The following ARHGEF10 variants were observed in gnomAD, a reference collection of about 807,000 sequenced individuals.
The protein encoded by ARHGEF10 is Rho guanine nucleotide exchange factor (GEF) 10.
Under a neutral mutation model 147.4 loss-of-function variants are expected in ARHGEF10, and 140 were observed. The observed-to-expected ratio is 0.95, with a 90% confidence interval of 0.83 to 1.09. The LOEUF (loss-of-function observed/expected upper bound fraction) is 1.09. Ranked by LOEUF, ARHGEF10 falls within the 50% of genes least tolerant of loss-of-function variation. The probability of loss-of-function intolerance (pLI) is 0.00; values close to 1 mark genes in which losing one functional copy is unlikely to be tolerated. For synonymous variants in ARHGEF10, 902 were observed against 695.8 expected, an observed-to-expected ratio of 1.30 and a Z score of -4.67; for missense variants, 2,222 against 1,752.7, an observed-to-expected ratio of 1.27 and a Z score of -4.78.
At chr8:1,927,672 T>A (rs1468096070) in intron 23 of ARHGEF10, among the ~76,000 whole-genome samples, 2 of 152,182 alleles carry the variant, frequency 1.3e-5, no homozygotes, top group Non-Finnish European at 1.5e-5. Context: ...CCCAGCACTT[T>A]GGGAGGCCGA....
chr8:1,848,815 G>A (rs1021095625), intron 2 of ARHGEF10, among the ~76,000 whole-genome samples: 15 of 151,980 alleles, frequency 9.9e-5, no homozygotes, highest in African/African-American at 3.4e-4. Flanking sequence ...TTTAAATGCC[G>A]TTAATATAAG....
intron 26 of ARHGEF10, among the ~76,000 whole-genome samples, chr8:1,934,144 G>C (rs1368002912): frequency 6.6e-6 from 1 of 152,122 alleles, no homozygotes; most frequent in Non-Finnish European, 1.5e-5. Flanking sequence ...AGATCAGCCT[G>C]GGCAACAAAG....
intron 1 of ARHGEF10, among the ~76,000 whole-genome samples, chr8:1,834,553 T>C (rs1803467066): frequency 6.6e-6 from 1 of 152,174 alleles, no homozygotes; most frequent in African/African-American, 2.4e-5. Context: ...TCCCGAGTCT[T>C]AGAGAAGAAG....
intron 15 of ARHGEF10, among the ~76,000 whole-genome samples, chr8:1,899,038 G>A (rs1007786066): frequency 2.0e-5 from 3 of 152,218 alleles, no homozygotes; most frequent in South Asian, 2.1e-4. Flanking sequence ...GAGATGCTGC[G>A]ATGGTGAAAA....
At chr8:1,905,414 C>A (rs967511277) in intron 16 of ARHGEF10, among the ~76,000 whole-genome samples, 157 bp from the exon 17 acceptor site, 1 of 152,122 alleles carries the variant, frequency 6.6e-6, no homozygotes, top group Non-Finnish European at 1.5e-5. Flanking sequence ...AGGAAGGAGG[C>A]GGATGTTCAG....
chr8:1,884,919 C>T (rs1808525695), intron 10 of ARHGEF10, among the ~76,000 whole-genome samples: 1 of 152,114 alleles, frequency 6.6e-6, no homozygotes, highest in African/African-American at 2.4e-5. Flanking sequence ...TGCTCACAAC[C>T]ATGCCTGGCT....
chr8:1,941,597 A>T (rs1814095360), intron 26 of ARHGEF10, among the ~76,000 whole-genome samples: 1 of 152,114 alleles, frequency 6.6e-6, no homozygotes, highest in Non-Finnish European at 1.5e-5. Context: ...TTTTTTAAAC[A>T]AAACTTGACA....
intron 18 of ARHGEF10, among the ~76,000 whole-genome samples, chr8:1,911,479 A>G (rs1221607288): frequency 2.0e-5 from 3 of 152,184 alleles, no homozygotes; most frequent in Non-Finnish European, 4.4e-5. Context: ...AAAATGTGCT[A>G]ATTCTGTATG....
intron 7 of ARHGEF10, among the ~76,000 whole-genome samples, chr8:1,874,369 G>A (rs1489969137): frequency 2.0e-5 from 3 of 152,206 alleles, no homozygotes; most frequent in Admixed American, 2.0e-4. Context: ...GAGAGAGCTG[G>A]ATTGATTGAT....
intron 22 of ARHGEF10, among the ~76,000 whole-genome samples, chr8:1,926,117 C>T (rs752735051): frequency 6.6e-6 from 1 of 152,186 alleles, no homozygotes; most frequent in Non-Finnish European, 1.5e-5. Context: ...CCCTGAGCTG[C>T]CGGATTTCAG....
chr8:1,895,343 G>T lies in ARHGEF10; in HGVS notation c.1440+771G>T, dbSNP rs1809885448. 2.6e-5 allele frequency among the ~76,000 whole-genome samples: 4 copies of T among 152,210 alleles called. No individual in the cohort carries two copies. The South Asian group carries it at 6.2e-4, about 24-fold the overall frequency. ...ATTTGAGACTATGATGCTATCAAAG[G>T]GATATAAGCTTGCAAGTTTTGAAAA... is the stretch of plus-strand genomic sequence containing the variant. On this transcript the variant is annotated intron_variant, in intron 13 of 28. Transcript: ENST00000349830.
intron 2 of ARHGEF10, among the ~76,000 whole-genome samples, chr8:1,855,517 G>A (rs1442813432): frequency 6.6e-6 from 1 of 151,914 alleles, no homozygotes; most frequent in Non-Finnish European, 1.5e-5. Context: ...GAGTAGGTGG[G>A]ACCACAGGTC....
At chr8:1,832,523 GGTAGAGAGACAC>G in intron 1 of ARHGEF10, among the ~76,000 whole-genome samples, 1 of 113,822 alleles carries the variant, frequency 8.8e-6, no homozygotes, top group South Asian at 3.1e-4. Context: ...CAGAGACAGA[GGTAGAGAGACAC>G]AGAGGCAGAG....
rs369765551 is a variant in ARHGEF10 at position 1,860,072 on chromosome 8, C to A, written c.369C>A (p.Cys123Ter). The stretch of plus-strand genomic sequence containing the variant: ...AGAATGTGGGTCTCCATGTGCCCTG[C>A]GGGTACTTGGTGCCTGTACCCTGCG... ...EEENVGLHVP[C>*]GYLVPVPCGY... is the part of the protein sequence containing the mutation. Residue 123 changes from cysteine (C) to a stop codon, truncating the protein, a stop_gained, in exon 4 of 29, where the codon TGC (cysteine) becomes TGA (stop). Transcript: ENST00000349830. LOFTEE classifies it high-confidence loss of function. The A allele has an allele frequency of 1.9e-6, 3 of 1,614,076 alleles. No homozygotes were observed. Among genetic ancestry groups the A allele is most frequent in the East Asian group, 2.2e-5 (1 of 44,866 alleles).
rs771796571 is a variant in ARHGEF10, at chr8:1,903,271, T to C, written c.1651-10T>C. ...GTGGTAACTGCCCACCTCTCCCCTG[T>C]TGCTTGTAGGACATGCTGAAGAACA... On this transcript the variant is annotated splice_polypyrimidine_tract_variant and intron_variant, in intron 15 of 28. Transcript: ENST00000349830. The C allele has an allele frequency of 3.3e-5, 54 of 1,614,070 alleles. No homozygotes were observed. The South Asian group carries it at 4.9e-4, about 15-fold the overall frequency.
chr8:1,930,791 G>A (rs921842924), intron 25 of ARHGEF10, among the ~76,000 whole-genome samples: 2 of 152,186 alleles, frequency 1.3e-5, no homozygotes, highest in African/African-American at 4.8e-5. Flanking sequence ...TGGCCTGTGC[G>A]CACCTGCGCC....
chr8:1,893,357 A>G (rs1783952167), intron 11 of ARHGEF10, among the ~76,000 whole-genome samples: 1 of 152,160 alleles, frequency 6.6e-6, no homozygotes, highest in Non-Finnish European at 1.5e-5. Flanking sequence ...CTGTAGTTAT[A>G]GTTCATAGTT....
chr8:1,831,203 G>T (rs1024242309), intron 1 of ARHGEF10, among the ~76,000 whole-genome samples: 3 of 152,110 alleles, frequency 2.0e-5, no homozygotes, highest in Non-Finnish European at 4.4e-5. Context: ...CATCCATGGA[G>T]GGACAGTGTG....
intron 5 of ARHGEF10, among the ~76,000 whole-genome samples, chr8:1,866,215 A>G (rs1806598018): frequency 6.6e-6 from 1 of 152,150 alleles, no homozygotes; most frequent in South Asian, 2.1e-4. Context: ...GGGGTGGCTG[A>G]AAAACCAGAA....
Sources: gnomAD v4.1 joint callset for allele counts (sites outside exome capture counted in the v4.1 genomes callset) on GRCh38, gnomAD v4.1.1 for gene constraint, MANE v1.5 for transcripts, NCBI Gene and HGNC (gene_info 2026-07-23, HGNC 2026-07-21) for gene names.